Variants in RBFOX3 observed in about 807,000 individuals in gnomAD.
RBFOX3 encodes the protein RNA binding fox-1 homolog 3, also known as RNA binding protein fox-1 homolog 3.
Under a neutral mutation model 48.7 loss-of-function variants are expected in RBFOX3, and 17 were observed. The ratio of observed to expected loss-of-function variants is 0.35; its 90% CI spans 0.24 to 0.52. The LOEUF (loss-of-function observed/expected upper bound fraction) is 0.52. Ranked by LOEUF, RBFOX3 falls within the 20% of genes least tolerant of loss-of-function variation. RBFOX3 has a pLI of 0.94. For synonymous variants in RBFOX3, 212 were observed against 209.5 expected (o/e 1.01, Z -0.10); for missense variants, 382 against 497.5 (o/e 0.77, Z 2.21).
At chr17:79,434,833 T>C (rs2069098146) in intron 2 of RBFOX3, among the ~76,000 whole-genome samples, 1 of 152,140 alleles carries the variant, frequency 6.6e-6, no homozygotes, top group African/African-American at 2.4e-5. Flanking sequence ...GGAGATGGAC[T>C]CCGGGGCTAC....
intron 2 of RBFOX3, among the ~76,000 whole-genome samples, chr17:79,395,418 G>A (rs1005593427): frequency 2.0e-5 from 3 of 152,212 alleles, no homozygotes; most frequent in Admixed American, 6.5e-5. Context: ...CCTCGCTTAA[G>A]CTGCATCACA....
chr17:79,611,169 T>TCTCTCTCTCTCTCTCGCTCTCGCTCTCG, upstream of RBFOX3, among the ~76,000 whole-genome samples: 291 of 25,918 alleles, frequency 0.011, 55 homozygotes, highest in Middle Eastern at 0.042. Flanking sequence ...TCTCTCTCTC[T>TCTCTCTCTCTCTCTCGCTCTCGCTCTCG]CTCTCCGCCC....
At chr17:79,294,640 T>TG (rs2074015172) in intron 3 of RBFOX3, among the ~76,000 whole-genome samples, 1 of 152,064 alleles carries the variant, frequency 6.6e-6, no homozygotes, top group Non-Finnish European at 1.5e-5. Flanking sequence ...AGATGCGGAA[T>TG]GGGGGAAGGC....
intron 1 of RBFOX3, among the ~76,000 whole-genome samples, chr17:79,501,063 G>A (rs1003786404): frequency 3.3e-5 from 5 of 152,186 alleles, no homozygotes; most frequent in South Asian, 4.1e-4. Context: ...TAGGGATTCC[G>A]CACAGCGCAC....
At chr17:79,206,390 C>T (rs144910526) in intron 4 of RBFOX3, among the ~76,000 whole-genome samples, 306 of 152,200 alleles carry the variant, frequency 2.0e-3, no homozygotes, top group African/African-American at 6.8e-3. Context: ...CAGTGGTGCC[C>T]GACGTACACT....
At chr17:79,286,771 T>C (rs987003840) in intron 3 of RBFOX3, among the ~76,000 whole-genome samples, 2 of 152,178 alleles carry the variant, frequency 1.3e-5, no homozygotes, top group African/African-American at 2.4e-5. Context: ...ACATAGAAGC[T>C]GGAGAGGGAG....
rs952949353 is a variant in RBFOX3 at position 79,195,637 on chromosome 17, G to A, written c.-34+40129C>T. On this transcript the variant is annotated intron_variant, in intron 4 of 14. Coordinates refer to ENST00000693108, the MANE Select transcript of RBFOX3 (RefSeq NM_001350451.2). The surrounding 1 kb of genome is among the most constrained non-coding windows in gnomAD (Gnocchi z 5.3). The stretch of plus-strand genomic sequence containing the variant: ...CTTATTTTGTCCTACCATTGCAGCT[G>A]TGCAGGCACACAGTGTCTGCTGAGG... Among the ~76,000 whole-genome samples, 1 of 152,196 alleles carries A rather than the reference G, an allele frequency of 6.6e-6. No individual in the cohort carries two copies. The highest frequency in any genetic ancestry group is 6.5e-5 in the Admixed American group (1 of 15,282).
At chr17:79,408,834 T>A (rs562181687) in intron 2 of RBFOX3, among the ~76,000 whole-genome samples, 26 of 152,334 alleles carry the variant, frequency 1.7e-4, no homozygotes, top group Admixed American at 1.4e-3. Context: ...TTATTATTCA[T>A]CGAGGTGAAA....
At chr17:79,417,229 C>A (rs1473195746) in intron 2 of RBFOX3, among the ~76,000 whole-genome samples, 13 of 152,178 alleles carry the variant, frequency 8.5e-5, no homozygotes, top group Admixed American at 8.5e-4. Flanking sequence ...CTCCTTGCTC[C>A]CCGTAAGAGT....
chr17:79,289,222 C>G (rs12449949), intron 3 of RBFOX3, among the ~76,000 whole-genome samples: 3 of 152,162 alleles, frequency 2.0e-5, no homozygotes, highest in Non-Finnish European at 4.4e-5. Flanking sequence ...CCCGAGTCGG[C>G]GGGTTAGGTG....
rs1209318219 is a variant in RBFOX3, at chr17:79,220,168, G to A, written c.-34+15598C>T. Among the ~76,000 whole-genome samples the A allele has an allele frequency of 6.6e-6, 1 of 152,194 alleles. No homozygotes were observed. Among genetic ancestry groups the A allele is most frequent in the Admixed American group, 6.5e-5 (1 of 15,286 alleles). On this transcript the variant is annotated intron_variant, in intron 4 of 14. Transcript: ENST00000693108. The surrounding 1 kb of genome is among the most constrained non-coding windows in gnomAD (Gnocchi z 5.9). Reference sequence around the variant, plus strand: ...AGTGAGAAAGCAACACGCAGTCCACGCTTGGTACATACCCAAAAATACATC... The same window carrying A: ...AGTGAGAAAGCAACACGCAGTCCACACTTGGTACATACCCAAAAATACATC...
intron 3 of RBFOX3, among the ~76,000 whole-genome samples, chr17:79,276,593 G>A (rs2068897777): frequency 6.6e-6 from 1 of 152,118 alleles, no homozygotes; most frequent in African/African-American, 2.4e-5. Flanking sequence ...GCTGACGCAG[G>A]AGAATCGCTT....
At chr17:79,442,308 AGAGAGGGAGT>A (rs2071200110) in intron 2 of RBFOX3, among the ~76,000 whole-genome samples, 18 of 18,134 alleles carry the variant, frequency 9.9e-4, no homozygotes, top group Non-Finnish European at 1.6e-3. Context: ...AGAGAGGGAG[AGAGAGGGAGT>A]GAGGGAGGGA....
chr17:79,098,105 G>T (rs1299280694), intron 9 of RBFOX3: 7 of 254,808 alleles, frequency 2.7e-5, no homozygotes, highest in East Asian at 8.3e-5. Context: ...ACCCCCCTGA[G>T]CACAGCTGGG....
intron 2 of RBFOX3, among the ~76,000 whole-genome samples, chr17:79,343,261 C>CA (rs2082376537): frequency 6.6e-6 from 1 of 152,122 alleles, no homozygotes; most frequent in Admixed American, 6.5e-5. Flanking sequence ...CGAGGTAACT[C>CA]ACACCTGTAA....
intron 3 of RBFOX3, among the ~76,000 whole-genome samples, chr17:79,304,943 C>T (rs1038241685): frequency 1.3e-5 from 2 of 152,098 alleles, no homozygotes; most frequent in Non-Finnish European, 2.9e-5. Context: ...TTCACTTGGC[C>T]CCTCCCTCCC....
intron 2 of RBFOX3, among the ~76,000 whole-genome samples, chr17:79,326,760 T>C (rs2079394606): frequency 6.6e-6 from 1 of 152,186 alleles, no homozygotes; most frequent in Non-Finnish European, 1.5e-5. Flanking sequence ...GGCCTCAGTG[T>C]GAACCCTCAG....
chr17:79,284,775 G>A (rs964302908), intron 3 of RBFOX3, among the ~76,000 whole-genome samples: 1 of 152,038 alleles, frequency 6.6e-6, no homozygotes, highest in African/African-American at 2.4e-5. Context: ...CCTGACCTCA[G>A]GTGATCCACC....
At chr17:79,160,475 C>G (rs2046752034) in intron 4 of RBFOX3, among the ~76,000 whole-genome samples, 2 of 152,298 alleles carry the variant, frequency 1.3e-5, no homozygotes, top group South Asian at 4.1e-4. Context: ...GGGCAGTCCC[C>G]CGTATGTGGG....
Sources: allele counts gnomAD v4.1 joint callset (sites outside exome capture counted in the v4.1 genomes callset), GRCh38; gene constraint gnomAD v4.1.1; non-coding constraint Gnocchi (gnomAD v3.1); transcripts MANE v1.5; gene names NCBI Gene and HGNC (gene_info 2026-07-23, HGNC 2026-07-21).